The following SSBP3 variants were observed in gnomAD, a reference collection of about 807,000 sequenced individuals.
SSBP3 encodes the protein single-stranded DNA-binding protein 3.
A neutral mutation model predicts 69.6 loss-of-function variants in SSBP3; 5 were observed. That is an observed-to-expected ratio of 0.07 (90% CI 0.04 to 0.15). The LOEUF (loss-of-function observed/expected upper bound fraction) is 0.15. Among genes scored for constraint, SSBP3 ranks in the 10% least tolerant of loss-of-function variants. The pLI, the probability that SSBP3 is intolerant of heterozygous loss-of-function variation, is 1.00. For synonymous variants in SSBP3, 196 were observed against 193.4 expected, an observed-to-expected ratio of 1.01 and a Z score of -0.11; for missense variants, 312 against 534.0, an observed-to-expected ratio of 0.58 and a Z score of 4.10.
At chr1:54,238,047 G>T (rs1472454434) in intron 14 of SSBP3, 1 of 423,362 alleles carries the variant, frequency 2.4e-6, no homozygotes, top group Non-Finnish European at 5.0e-6. Flanking sequence ...AGGACTTTCT[G>T]TGTCCTGGGA....
chr1:54,278,478 A>G lies in SSBP3; in HGVS notation c.366+2960T>C, dbSNP rs560479865. On this transcript the variant is annotated intron_variant, in intron 5 of 17. Transcript: ENST00000610401. ...CTGGACGTGGAAGAAGAGAAAGCTG[A>G]TGGCCAACCCTCATTGTGGGTGGCC... 2.0e-5 allele frequency among the ~76,000 whole-genome samples: 3 copies of G among 152,304 alleles called. No individual in the cohort carries two copies. The South Asian group carries it at 6.2e-4, about 32-fold the overall frequency.
At chr1:54,270,308 A>AAAAG (rs1333787627) in intron 5 of SSBP3, among the ~76,000 whole-genome samples, 1 of 152,106 alleles carries the variant, frequency 6.6e-6, no homozygotes, top group Non-Finnish European at 1.5e-5. Flanking sequence ...GCCCGGGAGG[A>AAAAG]AAAGAATCAG....
intron 9 of SSBP3, among the ~76,000 whole-genome samples, chr1:54,250,074 G>T (rs1644800470): frequency 6.6e-6 from 1 of 152,230 alleles, no homozygotes; most frequent in South Asian, 2.1e-4. Flanking sequence ...GAGAGGGGAA[G>T]CTCCGCTCCT....
At chr1:54,340,953 G>A (rs1225042631) in intron 4 of SSBP3, among the ~76,000 whole-genome samples, 1 of 152,196 alleles carries the variant, frequency 6.6e-6, no homozygotes, top group African/African-American at 2.4e-5. Context: ...TATGGAATCA[G>A]GAACATCTGA....
intron 7 of SSBP3, 86 bp from the exon 8 acceptor site, chr1:54,251,946 C>T: frequency 1.7e-6 from 2 of 1,169,466 alleles, no homozygotes; most frequent in South Asian, 2.5e-5. Flanking sequence ...CACCCAGTGC[C>T]CCGTGTGATC....
chr1:54,306,127 C>A (rs1292328737), intron 4 of SSBP3, among the ~76,000 whole-genome samples: 1 of 151,998 alleles, frequency 6.6e-6, no homozygotes, highest in Non-Finnish European at 1.5e-5. Flanking sequence ...ATTTCTTATT[C>A]CTCCTCCTGG....
intron 4 of SSBP3, among the ~76,000 whole-genome samples, chr1:54,321,002 A>C (rs1167086641): frequency 1.3e-5 from 2 of 152,226 alleles, no homozygotes; most frequent in Non-Finnish European, 2.9e-5. Flanking sequence ...CCCCCTAGCA[A>C]GCAAAAGCAG....
intron 4 of SSBP3, among the ~76,000 whole-genome samples, chr1:54,362,575 G>T (rs895038302): frequency 6.6e-6 from 1 of 152,314 alleles, no homozygotes; most frequent in East Asian, 1.9e-4. Flanking sequence ...GGCTCCTCCG[G>T]GCAGCCCCTA....
chr1:54,257,019 G>A (rs1644934077), intron 7 of SSBP3, 108 bp downstream of exon 7: 1 of 1,159,184 alleles, frequency 8.6e-7, no homozygotes, highest in Non-Finnish European at 1.2e-6. Flanking sequence ...CGTTAAACCT[G>A]CCCCTCCACC....
At chr1:54,310,452 C>T (rs1645980817) in intron 4 of SSBP3, among the ~76,000 whole-genome samples, 1 of 152,062 alleles carries the variant, frequency 6.6e-6, no homozygotes, top group Admixed American at 6.6e-5. Context: ...AAAAGAGAGC[C>T]CACGGACACA....
chr1:54,256,268 G>C (rs1033049435), intron 7 of SSBP3, among the ~76,000 whole-genome samples: 1 of 152,176 alleles, frequency 6.6e-6, no homozygotes, highest in African/African-American at 2.4e-5. Flanking sequence ...GCTTCTGTCA[G>C]ATTTTTTTGA....
chr1:54,373,631 G>A (rs1312084374), intron 4 of SSBP3, among the ~76,000 whole-genome samples: 1 of 152,082 alleles, frequency 6.6e-6, no homozygotes, highest in Non-Finnish European at 1.5e-5. Flanking sequence ...GCCATATGTG[G>A]CGGCGCATGC....
intron 4 of SSBP3, among the ~76,000 whole-genome samples, chr1:54,377,158 G>A (rs1002459177): frequency 1.3e-5 from 2 of 152,184 alleles, no homozygotes; most frequent in African/African-American, 4.8e-5. Flanking sequence ...AATGGGGTGA[G>A]GGTGCCACAG....
In SSBP3 at chr1:54,258,678, A is replaced by T. The variant is rs1475570719; in HGVS notation, c.367-529T>A. 6.6e-6 allele frequency among the ~76,000 whole-genome samples: 1 copy of T among 152,136 alleles called. No individual in the cohort carries two copies. The highest frequency in any genetic ancestry group is 1.5e-5 in the Non-Finnish European group (1 of 68,024). On this transcript the variant is annotated intron_variant, in intron 5 of 17. Coordinates refer to ENST00000610401, the Ensembl canonical transcript of SSBP3. This position sits in a 1 kb window ranked among gnomAD's most constrained non-coding sequence, Gnocchi z 4.5. Reference sequence around the variant, plus strand: ...CAAGTGTCAGGGAGAGGCCCAGGCGACGGGTTTCCTGGGGGCAGGAGGGCC... The same window carrying T: ...CAAGTGTCAGGGAGAGGCCCAGGCGTCGGGTTTCCTGGGGGCAGGAGGGCC...
intron 4 of SSBP3, among the ~76,000 whole-genome samples, chr1:54,361,937 T>A (rs1225070084): frequency 6.6e-6 from 1 of 152,174 alleles, no homozygotes; most frequent in Non-Finnish European, 1.5e-5. Context: ...TGAAAGAGGG[T>A]GCAACCACAG....
intron 4 of SSBP3, among the ~76,000 whole-genome samples, chr1:54,310,221 C>A (rs557469487): frequency 4.7e-5 from 7 of 149,478 alleles, no homozygotes; most frequent in Non-Finnish European, 1.0e-4. Flanking sequence ...GCGCAGCCAA[C>A]CTCAACACCC....
chr1:54,408,033 G>A (rs923031754), upstream of SSBP3, among the ~76,000 whole-genome samples: 3 of 152,128 alleles, frequency 2.0e-5, no homozygotes, highest in African/African-American at 7.2e-5. Flanking sequence ...GAGACTCTGG[G>A]TGCATTTTTG....
chr1:54,357,607 T>C (rs1156896570), intron 4 of SSBP3, among the ~76,000 whole-genome samples: 1 of 152,166 alleles, frequency 6.6e-6, no homozygotes, highest in East Asian at 1.9e-4. Flanking sequence ...TGAATTAAAG[T>C]CCTAATGTCC....
intron 4 of SSBP3, among the ~76,000 whole-genome samples, chr1:54,334,074 C>T (rs867803565): frequency 6.6e-6 from 1 of 151,228 alleles, no homozygotes; most frequent in African/African-American, 2.4e-5. Flanking sequence ...ATAAAATAGG[C>T]CTGGCGTGGT....
Sources: gnomAD v4.1 joint callset for allele counts (sites outside exome capture counted in the v4.1 genomes callset) on GRCh38, gnomAD v4.1.1 for gene constraint, Gnocchi (gnomAD v3.1) non-coding constraint, MANE v1.5 for transcripts, NCBI Gene and HGNC (gene_info 2026-07-23, HGNC 2026-07-21) for gene names.